The following CLASP1 variants were observed in gnomAD, a reference collection of about 807,000 sequenced individuals.
The protein encoded by CLASP1 is CLIP-associating protein 1.
A neutral mutation model predicts 192.3 loss-of-function variants in CLASP1; 38 were observed. The observed-to-expected ratio is 0.20, with a 90% CI of 0.15 to 0.26. The LOEUF (loss-of-function observed/expected upper bound fraction) is 0.26, where lower values mean the gene tolerates loss of function less well. Ranked by LOEUF, CLASP1 falls within the 10% of genes least tolerant of loss-of-function variation. The pLI is 1.00. For missense variants in CLASP1, 1,433 were observed against 1,932.5 expected (o/e 0.74, Z 4.85); for synonymous variants, 691 against 712.8 (o/e 0.97, Z 0.49).
intron 6 of CLASP1, among the ~76,000 whole-genome samples, chr2:121,522,139 C>T (rs72969375): frequency 0.039 from 5,879 of 152,108 alleles, 162 homozygotes; most frequent in East Asian, 0.14. Flanking sequence ...TGTGTGTGCG[C>T]GCACGTGTGC....
At chr2:121,441,736 C>A (rs1186126445) in intron 19 of CLASP1, among the ~76,000 whole-genome samples, 2 of 151,356 alleles carry the variant, frequency 1.3e-5, no homozygotes, top group African/African-American at 4.9e-5. Context: ...ACAAATGAGA[C>A]CCTGCCTTTA....
chr2:121,407,855 T>TA, intron 24 of CLASP1, 140 bp from the exon 26 acceptor site: 1 of 1,013,580 alleles, frequency 9.9e-7, no homozygotes, highest in Non-Finnish European at 1.6e-6. Context: ...CCTGTGCTTA[T>TA]AGATTAGGGA....
intron 34 of CLASP1, among the ~76,000 whole-genome samples, chr2:121,373,285 T>C (rs1364522361): frequency 6.6e-6 from 1 of 152,200 alleles, no homozygotes; most frequent in African/African-American, 2.4e-5. Context: ...CTTTCTGCCA[T>C]GATTGTAAGT....
intron 1 of CLASP1, among the ~76,000 whole-genome samples, chr2:121,617,278 C>T (rs1274434294): frequency 6.6e-6 from 1 of 152,210 alleles, no homozygotes; most frequent in Admixed American, 6.5e-5. Context: ...CCTCCTCAGA[C>T]CTATAACCTT....
intron 14 of CLASP1, 33 bp from the exon 15 acceptor site, chr2:121,451,882 A>G: frequency 6.9e-7 from 1 of 1,447,922 alleles, no homozygotes; most frequent in Non-Finnish European, 9.5e-7. Flanking sequence ...CAACTTATTA[A>G]TACATATTTT....
chr2:121,423,423 T>C (rs1196241996), intron 22 of CLASP1, among the ~76,000 whole-genome samples: 1 of 152,126 alleles, frequency 6.6e-6, no homozygotes, highest in Non-Finnish European at 1.5e-5. Context: ...AGAATTATGT[T>C]AGATAAATGA....
chr2:121,435,362 T>G (rs998028123), intron 19 of CLASP1, among the ~76,000 whole-genome samples: 8 of 152,148 alleles, frequency 5.3e-5, no homozygotes, highest in African/African-American at 1.4e-4. Context: ...GCAACCTCTG[T>G]GTCCCGGGTT....
chr2:121,496,857 A>C (rs1464043543), intron 8 of CLASP1, among the ~76,000 whole-genome samples: 1 of 152,234 alleles, frequency 6.6e-6, no homozygotes, highest in Admixed American at 6.5e-5. Context: ...AATAAGAAAA[A>C]TGTGTATATA....
Position 121,382,323 on chromosome 2 carries a change from G to A in CLASP1, c.3376C>T (p.Arg1126Trp), listed in dbSNP as rs1286842610. The A allele has an allele frequency of 1.0e-5, 16 of 1,549,660 alleles. No individual in the cohort carries two copies. The highest frequency in any genetic ancestry group is 7.0e-5 in the East Asian group (3 of 42,684). ...CCGTCGGCACTCCAACCCCATAACC[G>A]ACTGCAGTGATCAGAAGAGGAAAAT... Residue 1126 changes from arginine (R) to tryptophan (W), a missense_variant and splice_region_variant, in exon 33 of 40, where the codon CGG becomes TGG. Physicochemically the swap from Arg to Trp is moderately radical, Grantham distance 101. Around this residue, in one of 8 missense-constraint regions of CLASP1, gnomAD observed 336 missense variants for 358.0 expected, o/e 0.94. Coordinates refer to ENST00000263710, the Ensembl canonical transcript of CLASP1.
At chr2:121,638,024 A>C (rs2071230831) in intron 1 of CLASP1, among the ~76,000 whole-genome samples, 1 of 152,178 alleles carries the variant, frequency 6.6e-6, no homozygotes, top group Admixed American at 6.5e-5. Flanking sequence ...TAAAAAGACA[A>C]CCTACCCAGA....
At chr2:121,639,141 G>A (rs189741868) in intron 1 of CLASP1, among the ~76,000 whole-genome samples, 2,092 of 152,200 alleles carry the variant, frequency 0.014, 42 homozygotes, top group African/African-American at 0.047. Context: ...GCCGGGCTTG[G>A]TGGTGGGTGC....
chr2:121,576,130 G>A (rs1347488736), intron 2 of CLASP1, among the ~76,000 whole-genome samples: 4 of 152,154 alleles, frequency 2.6e-5, no homozygotes, highest in Admixed American at 2.0e-4. Flanking sequence ...TCATTTATTA[G>A]ACAGATTTTA....
chr2:121,492,167 A>G (rs773712289), intron 8 of CLASP1, among the ~76,000 whole-genome samples: 34 of 152,258 alleles, frequency 2.2e-4, no homozygotes, highest in Non-Finnish European at 3.4e-4. Flanking sequence ...AGGCGGGTAG[A>G]TCACGAGGTC....
chr2:121,352,568 C>G (rs2064687280), intron 37 of CLASP1, among the ~76,000 whole-genome samples: 3 of 152,166 alleles, frequency 2.0e-5, no homozygotes, highest in African/African-American at 7.2e-5. Context: ...GAGAGAAGCA[C>G]AGGAGACAAA....
chr2:121,416,675 A>T (rs1352830677), intron 23 of CLASP1, among the ~76,000 whole-genome samples: 3 of 152,250 alleles, frequency 2.0e-5, no homozygotes, highest in African/African-American at 7.2e-5. Context: ...AAGAAGCCTC[A>T]GAACAAGCAT....
At chr2:121,413,570 C>G (rs2078077256) in intron 23 of CLASP1, among the ~76,000 whole-genome samples, 2 of 152,174 alleles carry the variant, frequency 1.3e-5, no homozygotes, top group Admixed American at 6.5e-5. Flanking sequence ...GGTTTGCAGG[C>G]TGCAAAGGAT....
chr2:121,382,169 T>G, intron 33 of CLASP1, 39 bp downstream of exon 34: 1 of 1,488,762 alleles, frequency 6.7e-7, no homozygotes, highest in Non-Finnish European at 9.2e-7. Flanking sequence ...TGCAATAATA[T>G]TGTGACACCT....
At chr2:121,579,789 C>T (rs1032600954) in intron 2 of CLASP1, among the ~76,000 whole-genome samples, 10 of 152,102 alleles carry the variant, frequency 6.6e-5, no homozygotes, top group African/African-American at 2.4e-4. Flanking sequence ...TTTGGCATGG[C>T]ATATTTCATA....
chr2:121,377,533 G>A (rs2070540102), exon 34 of CLASP1: 1 of 1,604,352 alleles, frequency 6.2e-7, no homozygotes, highest in South Asian at 1.1e-5. Flanking sequence ...TCGTTTAATT[G>A]GCTCATTCAG....
Sources: allele counts gnomAD v4.1 joint callset (sites outside exome capture counted in the v4.1 genomes callset), GRCh38; gene constraint gnomAD v4.1.1; regional missense constraint gnomAD v4.1.1; transcripts MANE v1.5; gene names NCBI Gene and HGNC (gene_info 2026-07-23, HGNC 2026-07-21).